Variants in GAREM1 observed in about 807,000 individuals in gnomAD.
The protein encoded by GAREM1 is GRB2 associated regulator of MAPK1 subtype 1, also known as GRB2-associated and regulator of MAPK protein 1.
GAREM1 carries 26 observed loss-of-function variants against 71.3 expected under a neutral mutation model. The ratio of observed to expected loss-of-function variants is 0.36; its 90% CI spans 0.27 to 0.51. GAREM1 has a LOEUF of 0.51. GAREM1 is among the 20% of genes least tolerant of loss of function. The pLI, the probability that GAREM1 is intolerant of heterozygous loss-of-function variation, is 0.95. For synonymous variants in GAREM1, 440 were observed against 433.2 expected, an observed-to-expected ratio of 1.02 and a Z score of -0.20; for missense variants, 1,026 against 1,103.1, an observed-to-expected ratio of 0.93 and a Z score of 0.99.
At chr18:32,269,991 A>C (rs925906253) in intron 5 of GAREM1, among the ~76,000 whole-genome samples, 3 of 152,158 alleles carry the variant, frequency 2.0e-5, no homozygotes, top group Non-Finnish European at 2.9e-5. Flanking sequence ...TGAATTTCTC[A>C]GACTGGTGTG....
chr18:32,279,727 G>A (rs907670719), intron 4 of GAREM1, among the ~76,000 whole-genome samples: 2 of 152,176 alleles, frequency 1.3e-5, no homozygotes, highest in Admixed American at 6.5e-5. Context: ...CGCCAGGTCC[G>A]TGGAAAAATT....
At chr18:32,367,713 C>T (rs1190803690) in intron 2 of GAREM1, among the ~76,000 whole-genome samples, 1 of 152,064 alleles carries the variant, frequency 6.6e-6, no homozygotes, top group East Asian at 1.9e-4. Context: ...CGGTTCAGTC[C>T]CAATTCTAAG....
At chr18:32,307,362 A>G (rs1466775721) in intron 3 of GAREM1, among the ~76,000 whole-genome samples, 1 of 152,156 alleles carries the variant, frequency 6.6e-6, no homozygotes, top group East Asian at 1.9e-4. Flanking sequence ...AAGGTTTGAA[A>G]TCTTTCTTTT....
chr18:32,464,606 T>C (rs2048982141), intron 1 of GAREM1, among the ~76,000 whole-genome samples: 1 of 152,342 alleles, frequency 6.6e-6, no homozygotes, highest in East Asian at 1.9e-4. Context: ...GCCACCTTTC[T>C]ATAACCTGCG....
rs1567958971 is a variant in GAREM1 at position 32,310,110 on chromosome 18, T to G, written c.393+83A>C. The G allele has an allele frequency of 2.0e-6, 3 of 1,479,994 alleles. No homozygotes were observed. In the South Asian group the frequency reaches 3.8e-5, roughly 19 times the overall value. The allele number at this position is 1,479,994 out of a possible 1,614,324, so 91.7% of individuals were successfully genotyped here. The stretch of plus-strand genomic sequence containing the variant: ...ATAAAACCCTCCTAGGAGACACAGA[T>G]GAACACTTACTGTGTACATCCAGAC... On this transcript the variant is annotated intron_variant, in intron 3 of 5. Transcript: ENST00000269209.
intron 1 of GAREM1, among the ~76,000 whole-genome samples, chr18:32,466,778 T>A (rs1472516668): frequency 6.6e-6 from 1 of 152,208 alleles, no homozygotes; most frequent in Non-Finnish European, 1.5e-5. Flanking sequence ...TGATGATCAA[T>A]CAGTTTAAAT....
chr18:32,281,196 G>A (rs1425432964), intron 4 of GAREM1, among the ~76,000 whole-genome samples: 1 of 152,134 alleles, frequency 6.6e-6, no homozygotes, highest in Non-Finnish European at 1.5e-5. Flanking sequence ...GATTGAAATC[G>A]ATGTGCAGCT....
rs2041334511 is a variant in GAREM1 at position 32,263,543 on chromosome 18, T to G, written c.*4328A>C. On this transcript the variant is annotated 3_prime_UTR_variant, in exon 6 of 6. Coordinates refer to ENST00000269209, the MANE Select transcript of GAREM1 (RefSeq NM_001242409.2). ...AAAGCAACTTTGAAAATTTCTTTAT[T>G]ACAGACATTTCAGAACCATTTAAAT... The G allele has an allele frequency of 6.6e-6, 1 of 152,154 alleles. No individual in the cohort carries two copies. 9.4% of individuals were successfully genotyped at this position (152,154 alleles called of 1,614,324 possible). A position where few individuals can be genotyped will look rare whatever the true frequency, so the allele number is the denominator to read the frequency against.
chr18:32,368,970 A>G (rs2047952202), intron 2 of GAREM1, among the ~76,000 whole-genome samples: 1 of 152,250 alleles, frequency 6.6e-6, no homozygotes, highest in African/African-American at 2.4e-5. Flanking sequence ...TAGAAGGTGA[A>G]CAATTAGTCT....
intron 1 of GAREM1, among the ~76,000 whole-genome samples, chr18:32,400,443 C>G (rs1202859733): frequency 6.6e-6 from 1 of 152,140 alleles, no homozygotes; most frequent in Non-Finnish European, 1.5e-5. Flanking sequence ...GGGCTAATAT[C>G]CAGAATCTAC....
intron 2 of GAREM1, among the ~76,000 whole-genome samples, chr18:32,326,859 G>A (rs1469857888): frequency 6.6e-6 from 1 of 152,210 alleles, no homozygotes; most frequent in Non-Finnish European, 1.5e-5. Context: ...CGGTGCAAGG[G>A]TAGGATGGTT....
chr18:32,380,539 TG>T (rs1392445159), intron 2 of GAREM1, among the ~76,000 whole-genome samples: 2 of 137,834 alleles, frequency 1.5e-5, no homozygotes, highest in Non-Finnish European at 3.1e-5. Context: ...GTCCAAAAAG[TG>T]AGAGTTTTTG....
intron 3 of GAREM1, among the ~76,000 whole-genome samples, chr18:32,308,373 T>C (rs2047278688): frequency 6.7e-6 from 1 of 150,266 alleles, no homozygotes. Context: ...AAAAATAGTA[T>C]ACATGAGCAA....
At chr18:32,396,249 A>G (rs1173994856) in intron 1 of GAREM1, among the ~76,000 whole-genome samples, 1 of 152,248 alleles carries the variant, frequency 6.6e-6, no homozygotes, top group Non-Finnish European at 1.5e-5. Flanking sequence ...TCTAAAAATC[A>G]GAGCACCTCT....
chr18:32,297,480 CT>C (rs61553238), intron 3 of GAREM1, among the ~76,000 whole-genome samples: 32 of 152,246 alleles, frequency 2.1e-4, no homozygotes, highest in African/African-American at 7.0e-4. Flanking sequence ...AAACATTTTA[CT>C]TTTTTTAAGT....
At position 32,470,360 on chromosome 18, in the gene GAREM1, G is replaced by A. The variant is rs771912443; in HGVS notation, c.69C>T (p.Leu23=). The change falls in exon 1 of 6, where the codon CTC becomes CTT. Residue 23 remains leucine (L), a synonymous_variant. Transcript: ENST00000269209. The surrounding 1 kb of genome is among the most constrained non-coding windows in gnomAD (Gnocchi z 4.4). Reference sequence around the variant, plus strand: ...GCCGGTAAGTGCTGACCAGGAGGTCGAGCGGCACGGCCACCGAGCTCCACT... The same window carrying A: ...GCCGGTAAGTGCTGACCAGGAGGTCAAGCGGCACGGCCACCGAGCTCCACT... ...DVKWSSVAVP[L]DLLVSTYRLP... is the part of the protein sequence containing the mutation. 2 of 1,559,600 alleles carry A rather than the reference G, an allele frequency of 1.3e-6. No individual in the cohort carries two copies. The highest frequency in any genetic ancestry group is 5.2e-5 in the East Asian group (2 of 38,804).
intron 3 of GAREM1, among the ~76,000 whole-genome samples, chr18:32,307,351 G>C (rs938243698): frequency 1.6e-4 from 24 of 152,098 alleles, no homozygotes; most frequent in African/African-American, 5.6e-4. Context: ...AATCTTCTAA[G>C]AAGGTTTGAA....
At position 32,392,970 on chromosome 18, in the gene GAREM1, T is replaced by C; in HGVS notation, c.187A>G (p.Thr63Ala). The change falls in exon 2 of 6, where the codon ACC becomes GCC. Residue 63 changes from threonine (T) to alanine (A), a missense_variant. By Grantham distance (58) the Thr-to-Ala change is moderately conservative. This residue lies in a region of GAREM1 where 172 missense variants were observed against 175.2 expected (regional missense o/e 0.98). Transcript: ENST00000269209. The part of the protein sequence containing the change: ...LLIHSCRQWT[T>A]ITAHSLEEGH... ...TCCTCCAAGCTGTGGGCAGTGATGG[T>C]GGTCCACTGGCGGCAGGAATGAATC... is the stretch of plus-strand genomic sequence containing the variant. The C allele has an allele frequency of 6.2e-7, 1 of 1,613,852 alleles. No homozygotes were observed. Among genetic ancestry groups the C allele is most frequent in the Non-Finnish European group, 8.5e-7 (1 of 1,179,846 alleles).
intron 2 of GAREM1, among the ~76,000 whole-genome samples, chr18:32,391,922 A>G (rs1054474271): frequency 4.6e-5 from 7 of 152,146 alleles, no homozygotes; most frequent in Admixed American, 2.0e-4. Context: ...CAAAAATGGT[A>G]CCAAACTATT....
Sources: gnomAD v4.1 joint callset for allele counts (sites outside exome capture counted in the v4.1 genomes callset) on GRCh38, gnomAD v4.1.1 for gene constraint, gnomAD v4.1.1 regional missense constraint, Gnocchi (gnomAD v3.1) non-coding constraint, MANE v1.5 for transcripts, NCBI Gene and HGNC (gene_info 2026-07-23, HGNC 2026-07-21) for gene names.